The following ATP6V0C variants were observed in gnomAD, a reference collection of about 807,000 sequenced individuals.
The protein encoded by ATP6V0C is V-type proton ATPase 16 kDa proteolipid subunit c.
In ATP6V0C, 2 loss-of-function variants were observed where a neutral mutation model predicts 10.6. That is an observed-to-expected ratio of 0.19 (90% CI 0.08 to 0.59). ATP6V0C has a LOEUF of 0.59. ATP6V0C is among the 20% of genes least tolerant of loss of function. ATP6V0C has a pLI of 0.90. For missense variants in ATP6V0C, 89 were observed against 225.9 expected, an observed-to-expected ratio of 0.39 and a Z score of 3.88; for synonymous variants, 128 against 101.3, an observed-to-expected ratio of 1.26 and a Z score of -1.59.
In ATP6V0C at chr16:2,519,385, G is replaced by A. The variant is rs1027015366; in HGVS notation, c.247G>A (p.Asp83Asn). ...CCTCATCGCCAACTCCCTGAATGAC[G>A]ACATCAGCCTCTACAAGTGAGCACT... ...AVLIANSLNDDISLYKSFLQL... is the reference protein window; with the variant it reads ...AVLIANSLNDNISLYKSFLQL... The change falls in exon 2 of 3, where the codon GAC becomes AAC. Residue 83 changes from aspartate to asparagine, a missense_variant. Asp to Asn is a conservative substitution (Grantham distance 23, BLOSUM62 1). This residue lies in a region of ATP6V0C where 20 missense variants were observed against 20.5 expected (regional missense o/e 0.98). Coordinates refer to ENST00000330398, the MANE Select transcript of ATP6V0C (RefSeq NM_001694.4). 8.1e-6 allele frequency: 13 copies of A among 1,613,410 alleles called. No homozygotes were observed. The highest frequency in any genetic ancestry group is 4.5e-5 in the East Asian group (2 of 44,896).
chr16:2,517,143 C>T (rs1328871462), intron 1 of ATP6V0C: 1 of 152,454 alleles, frequency 6.6e-6, no homozygotes, highest in Non-Finnish European at 1.5e-5. Flanking sequence ...TGGATGTGGT[C>T]CTGGGCCTGC....
intron 1 of ATP6V0C, among the ~76,000 whole-genome samples, chr16:2,518,401 C>T (rs2065887491): frequency 6.6e-6 from 1 of 152,212 alleles, no homozygotes; most frequent in Non-Finnish European, 1.5e-5. Flanking sequence ...AGGCTTGGGC[C>T]CTCTGGCCAG....
chr16:2,519,179 T>G (rs1329369066), intron 1 of ATP6V0C, 39 bp from the exon 2 acceptor site: 2 of 1,567,566 alleles, frequency 1.3e-6, no homozygotes, highest in Admixed American at 1.8e-5. Flanking sequence ...TCAACTGGCC[T>G]GCGTACTGCT....
At chr16:2,519,157 G>C in intron 1 of ATP6V0C, 61 bp from the exon 2 acceptor site, 1 of 1,502,292 alleles carries the variant, frequency 6.7e-7, no homozygotes, top group Non-Finnish European at 8.9e-7. Flanking sequence ...GCTACACCTC[G>C]GGGTCCTAGT....
intron 1 of ATP6V0C, 161 bp downstream of exon 1, chr16:2,514,343 GC>G (rs2065866079): frequency 3.0e-6 from 2 of 677,248 alleles, no homozygotes; most frequent in Non-Finnish European, 4.2e-6. Context: ...CGCCCCGAGG[GC>G]TGCGGGGAGC....
chr16:2,514,231 T>C, intron 1 of ATP6V0C, 49 bp downstream of exon 1: 2 of 1,490,298 alleles, frequency 1.3e-6, no homozygotes, highest in Non-Finnish European at 1.8e-6. Flanking sequence ...CGCGCGTTGC[T>C]CATGCCCGCA....
chr16:2,519,973 C>G lies in ATP6V0C; in HGVS notation c.*228C>G, dbSNP rs781723206. On this transcript the variant is annotated 3_prime_UTR_variant, in exon 3 of 3. Transcript: ENST00000330398. ...GCCCCTCCAGGCCCCCGGCGCCCCA[C>G]CCCCTAGAGTGCTCTGTGTATGCGG... 26 of 707,484 alleles carry G rather than the reference C, an allele frequency of 3.7e-5. No homozygotes were observed. The highest frequency in any genetic ancestry group is 3.6e-4 in the South Asian group (24 of 66,914). 43.8% of individuals were successfully genotyped at this position (707,484 alleles called of 1,614,324 possible). A position where few individuals can be genotyped will look rare whatever the true frequency, so the allele number is the denominator to read the frequency against.
Position 2,520,177 on chromosome 16 carries a change from G to T in ATP6V0C, c.*432G>T. 1 of 524,992 alleles carries T rather than the reference G, an allele frequency of 1.9e-6. No individual in the cohort carries two copies. Among genetic ancestry groups the T allele is most frequent in the East Asian group, 3.6e-5 (1 of 28,130 alleles). The allele number at this position is 524,992 out of a possible 1,614,324, so 32.5% of individuals were successfully genotyped here. A position where few individuals can be genotyped will look rare whatever the true frequency, so the allele number is the denominator to read the frequency against. The stretch of plus-strand genomic sequence containing the variant: ...GAGCCGCCCTCACCGCCGGGCCCGT[G>T]GCCCTGCGCGGAGCTGTGTCCAATA... On this transcript the variant is annotated 3_prime_UTR_variant, in exon 3 of 3. Coordinates refer to ENST00000330398, the MANE Select transcript of ATP6V0C (RefSeq NM_001694.4).
At chr16:2,515,365 C>T (rs1264494513) in intron 1 of ATP6V0C, among the ~76,000 whole-genome samples, 6 of 152,194 alleles carry the variant, frequency 3.9e-5, no homozygotes, top group Non-Finnish European at 7.3e-5. Flanking sequence ...GCCTGGTGGC[C>T]TGGGGAGGCT....
chr16:2,513,968 A>C lies in ATP6V0C; in HGVS notation c.-136A>C. The C allele has an allele frequency of 1.4e-6, 1 of 739,132 alleles. No individual in the cohort carries two copies. Among genetic ancestry groups the C allele is most frequent in the Non-Finnish European group, 2.1e-6 (1 of 465,488 alleles). The allele number at this position is 739,132 out of a possible 1,614,324, so 45.8% of individuals were successfully genotyped here. ...CGCCATTTTGTTCTGCGGTGCTGGTATTTAGAGCGCAGCGGCTGACGGGCC... is the reference window on the plus strand; with the variant it reads ...CGCCATTTTGTTCTGCGGTGCTGGTCTTTAGAGCGCAGCGGCTGACGGGCC... On this transcript the variant is annotated 5_prime_UTR_variant, in exon 1 of 3. Transcript: ENST00000330398.
intron 1 of ATP6V0C, 27 bp downstream of exon 1, chr16:2,514,209 G>A: frequency 6.6e-7 from 1 of 1,526,144 alleles, no homozygotes; most frequent in African/African-American, 1.4e-5. Flanking sequence ...GAGGGACTCG[G>A]GGGCGGGGGC....
At chr16:2,515,218 T>C (rs1039788100) in intron 1 of ATP6V0C, among the ~76,000 whole-genome samples, 1 of 152,132 alleles carries the variant, frequency 6.6e-6, no homozygotes, top group Admixed American at 6.5e-5. Flanking sequence ...GGGCTAGGGC[T>C]AGGCCCAGGA....
chr16:2,514,293 G>A, intron 1 of ATP6V0C, 111 bp downstream of exon 1: 1 of 1,193,658 alleles, frequency 8.4e-7, no homozygotes, highest in Non-Finnish European at 1.1e-6. Context: ...CCGAGCTGTC[G>A]GGGGCGCCCG....
chr16:2,519,023 GT>G (rs1188569941), intron 1 of ATP6V0C, 194 bp from the exon 2 acceptor site: 1 of 580,350 alleles, frequency 1.7e-6, no homozygotes, highest in Non-Finnish European at 3.0e-6. Context: ...AGGAGTGGCT[GT>G]CCTGGCCTCC....
chr16:2,519,882 C>A lies in ATP6V0C; in HGVS notation c.*137C>A. On this transcript the variant is annotated 3_prime_UTR_variant, in exon 3 of 3. Coordinates refer to ENST00000330398, the MANE Select transcript of ATP6V0C (RefSeq NM_001694.4). Reference sequence around the variant, plus strand: ...TTGTACATGCGCAGTGTCCTAGTGCCCATCGTCTGTTTCCCCGGCCTTGCC... The same window carrying A: ...TTGTACATGCGCAGTGTCCTAGTGCACATCGTCTGTTTCCCCGGCCTTGCC... The A allele has an allele frequency of 8.2e-7, 1 of 1,212,604 alleles. No homozygotes were observed. 75.1% of individuals were successfully genotyped at this position (1,212,604 alleles called of 1,614,324 possible). A position where few individuals can be genotyped will look rare whatever the true frequency, so the allele number is the denominator to read the frequency against.
chr16:2,513,803 G>A (rs2065862100), upstream of ATP6V0C: 1 of 198,282 alleles, frequency 5.0e-6, no homozygotes, highest in Non-Finnish European at 1.0e-5. Context: ...GCCGGGCGCC[G>A]GGGCCGGGTC....
At chr16:2,514,659 C>G (rs977734705) in intron 1 of ATP6V0C, among the ~76,000 whole-genome samples, 4 of 152,112 alleles carry the variant, frequency 2.6e-5, no homozygotes, top group African/African-American at 9.7e-5. Context: ...GGTGGGGAGC[C>G]CATGTCCCCC....
Position 2,514,172 on chromosome 16 carries a change from G to C in ATP6V0C, c.69G>C (p.Met23Ile), listed in dbSNP as rs764491936. The C allele has an allele frequency of 1.9e-6, 3 of 1,569,832 alleles. No individual in the cohort carries two copies. Among genetic ancestry groups the C allele is most frequent in the African/African-American group, 2.8e-5 (2 of 71,700 alleles). ...FFAVMGASAAMVFSALGAAYG... is the reference protein window; with the variant it reads ...FFAVMGASAAIVFSALGAAYG... ...CCGTCATGGGCGCCTCGGCCGCCAT[G>C]GTCTTCAGCGGTGAGCGCGGCGGCG... The change falls in exon 1 of 3, where the codon ATG becomes ATC. Residue 23 changes from methionine (M) to isoleucine (I), a missense_variant. Met to Ile is a conservative substitution (Grantham distance 10). Transcript: ENST00000330398.
Position 2,519,367 on chromosome 16 carries a change from G to A in ATP6V0C, c.229G>A (p.Ala77Thr). ...CGGCCTGGTGGTGGCAGTCCTCATC[G>A]CCAACTCCCTGAATGACGACATCAG... ...IYGLVVAVLI[A>T]NSLNDDISLY... Residue 77 changes from alanine (A) to threonine (T), a missense_variant, in exon 2 of 3, where the codon GCC becomes ACC. Ala to Thr is a moderately conservative substitution (Grantham distance 58). Coordinates refer to ENST00000330398, the MANE Select transcript of ATP6V0C (RefSeq NM_001694.4). 1 of 1,613,934 alleles carries A rather than the reference G, an allele frequency of 6.2e-7. No homozygotes were observed. Among genetic ancestry groups the A allele is most frequent in the Non-Finnish European group, 8.5e-7 (1 of 1,179,852 alleles).
Sources: gnomAD v4.1 joint callset for allele counts (sites outside exome capture counted in the v4.1 genomes callset) on GRCh38, gnomAD v4.1.1 for gene constraint, gnomAD v4.1.1 regional missense constraint, MANE v1.5 for transcripts, NCBI Gene and HGNC (gene_info 2026-07-23, HGNC 2026-07-21) for gene names.